CHKA: variants seen among roughly 807,000 people sequenced by gnomAD.
CHKA encodes choline kinase alpha, also known as CHETK-alpha.
In CHKA, 34 loss-of-function variants were observed where a neutral mutation model predicts 60.1. That is an observed-to-expected ratio of 0.57 (90% confidence interval 0.43 to 0.75). CHKA has a LOEUF of 0.75. CHKA is among the 30% of genes least tolerant of loss of function. CHKA has a pLI of 0.00. For synonymous variants in CHKA, 217 were observed against 223.1 expected (o/e 0.97, Z 0.24); for missense variants, 563 against 561.3 (o/e 1.00, Z -0.03).
chr11:68,082,088 CATATATTA>C (rs1240423156), intron 2 of CHKA: 1 of 152,002 alleles, frequency 6.6e-6, no homozygotes. Context: ...AAAATTATTT[CATATATTA>C]ATATATTAAG....
chr11:68,053,754 T>G lies in CHKA; in HGVS notation c.*234A>C. On this transcript the variant is annotated 3_prime_UTR_variant, in exon 12 of 12. Coordinates refer to ENST00000265689, the MANE Select transcript of CHKA (RefSeq NM_001277.3). ...AAAGGATTCAGAGATGTTGCACTAT[T>G]GCACTATATTTCTGCTTCCCGATCT... 1 of 478,864 alleles carries G rather than the reference T, an allele frequency of 2.1e-6. No homozygotes were observed. The highest frequency in any genetic ancestry group is 3.7e-6 in the Non-Finnish European group (1 of 267,194). The allele number at this position is 478,864 out of a possible 1,614,324, so 29.7% of individuals were successfully genotyped here. A position where few individuals can be genotyped will look rare whatever the true frequency, so the allele number is the denominator to read the frequency against.
chr11:68,061,434 C>G (rs1214920600), intron 11 of CHKA: 6 of 221,836 alleles, frequency 2.7e-5, no homozygotes, highest in Non-Finnish European at 1.9e-5. Context: ...AATTAAATGA[C>G]AGCCTAGCTT....
Position 68,059,371 on chromosome 11 carries a change from GA to G in CHKA, c.1314+2581del. Among the ~76,000 whole-genome samples, 4 of 152,260 alleles carry G rather than the reference GA, an allele frequency of 2.6e-5. 1 individual carries two copies. Among genetic ancestry groups the G allele is most frequent in the Middle Eastern group, 6.8e-3 (2 of 294 alleles). On this transcript the variant is annotated intron_variant, in intron 11 of 11. Transcript: ENST00000265689. ...GTTAATATGAAGAATTATATGAACT[GA>G]TTTTTTCAAATATAAACCAGCCTTG...
intron 4 of CHKA, among the ~76,000 whole-genome samples, chr11:68,073,457 C>T (rs1856688009): frequency 6.6e-6 from 1 of 152,104 alleles, no homozygotes; most frequent in African/African-American, 2.4e-5. Flanking sequence ...AGTTCGAGAC[C>T]AGCCTAGCCA....
At chr11:68,098,727 T>C (rs1309304458) in intron 1 of CHKA, among the ~76,000 whole-genome samples, 3 of 152,176 alleles carry the variant, frequency 2.0e-5, no homozygotes, top group Non-Finnish European at 4.4e-5. Flanking sequence ...AGGGTTTTGC[T>C]CTGTCATCCA....
chr11:68,099,608 A>T, intron 1 of CHKA, among the ~76,000 whole-genome samples: 1 of 143,512 alleles, frequency 7.0e-6, no homozygotes, highest in African/African-American at 2.6e-5. Flanking sequence ...GATCAAAGGA[A>T]CCAAAAGCAG....
intron 1 of CHKA, among the ~76,000 whole-genome samples, chr11:68,102,808 G>A (rs1857775401): frequency 6.6e-6 from 1 of 152,110 alleles, no homozygotes; most frequent in Non-Finnish European, 1.5e-5. Flanking sequence ...CAGTTAAGGG[G>A]ATAATATAGA....
Position 68,121,016 on chromosome 11 carries a change from C to G in CHKA, c.162G>C (p.Pro54=). The G allele has an allele frequency of 9.0e-7, 1 of 1,106,402 alleles. No individual in the cohort carries two copies. The highest frequency in any genetic ancestry group is 4.3e-5 in the South Asian group (1 of 23,194). 68.5% of individuals were successfully genotyped at this position (1,106,402 alleles called of 1,614,324 possible). ...GCGGCGGCGGAGGGGGCAGCGCGAG[C>G]GGCGGCTGTTGGCCGCCCAGCTGCT... ...ESKQLGGQQP[P]LALPPPPPLP... The change falls in exon 1 of 12, where the codon CCG becomes CCC. Residue 54 remains proline, a synonymous_variant. Transcript: ENST00000265689.
intron 6 of CHKA, 51 bp from the exon 7 acceptor site, chr11:68,068,988 C>A: frequency 7.0e-7 from 1 of 1,433,848 alleles, no homozygotes; most frequent in Non-Finnish European, 9.8e-7. Context: ...GTCAGCTGCA[C>A]ACAGTCTTGC....
At chr11:68,114,683 C>T (rs1858318150) in intron 1 of CHKA, among the ~76,000 whole-genome samples, 1 of 146,454 alleles carries the variant, frequency 6.8e-6, no homozygotes, top group South Asian at 2.1e-4. Flanking sequence ...GGCGACAGAG[C>T]GAGACTCTGT....
chr11:68,078,447 C>CA (rs35053057), intron 3 of CHKA, among the ~76,000 whole-genome samples: 3 of 151,366 alleles, frequency 2.0e-5, no homozygotes, highest in African/African-American at 7.3e-5. Flanking sequence ...CTGTTGGTGA[C>CA]AAAAAAAAGA....
At chr11:68,090,277 C>A (rs1377990409) in intron 2 of CHKA, among the ~76,000 whole-genome samples, 3 of 152,072 alleles carry the variant, frequency 2.0e-5, no homozygotes, top group Non-Finnish European at 4.4e-5. Context: ...GTTTTGACTG[C>A]CTTAGGAACA....
At chr11:68,091,339 C>T (rs1047404773) in intron 2 of CHKA, among the ~76,000 whole-genome samples, 12 of 152,196 alleles carry the variant, frequency 7.9e-5, no homozygotes, top group Non-Finnish European at 1.0e-4. Context: ...GTAAAACAGA[C>T]GCTAAATTAT....
chr11:68,089,321 G>A (rs959034925), intron 2 of CHKA, among the ~76,000 whole-genome samples: 4 of 152,170 alleles, frequency 2.6e-5, no homozygotes, highest in African/African-American at 9.7e-5. Flanking sequence ...ACTTTTACGG[G>A]AAGTGTGCCT....
chr11:68,061,920 A>G (rs897779982), intron 11 of CHKA, 33 bp downstream of exon 11: 13 of 1,114,006 alleles, frequency 1.2e-5, no homozygotes, highest in Middle Eastern at 2.1e-4. Flanking sequence ...GAGTAGGAAG[A>G]AAAAAAAAAA....
chr11:68,095,918 T>C (rs1374264851), intron 2 of CHKA, among the ~76,000 whole-genome samples: 1 of 148,318 alleles, frequency 6.7e-6, no homozygotes, highest in African/African-American at 2.5e-5. Flanking sequence ...GGCACACCCA[T>C]AATCCCAGCT....
intron 2 of CHKA, among the ~76,000 whole-genome samples, chr11:68,091,554 T>C (rs190132423): frequency 6.6e-6 from 1 of 152,340 alleles, no homozygotes; most frequent in Non-Finnish European, 1.5e-5. Flanking sequence ...GAAGTTTGTT[T>C]CCGTCTCATC....
intron 3 of CHKA, among the ~76,000 whole-genome samples, chr11:68,080,892 G>C (rs1052539355): frequency 6.6e-6 from 1 of 152,244 alleles, no homozygotes; most frequent in Non-Finnish European, 1.5e-5. Context: ...GCACATGTGT[G>C]TTTCAGAGAG....
At chr11:68,100,495 C>T (rs1857667401) in intron 1 of CHKA, among the ~76,000 whole-genome samples, 1 of 151,938 alleles carries the variant, frequency 6.6e-6, no homozygotes, top group Admixed American at 6.6e-5. Context: ...GAGGCTGAGG[C>T]AGGAGAACTA....
Sources: allele counts gnomAD v4.1 joint callset (sites outside exome capture counted in the v4.1 genomes callset), GRCh38; gene constraint gnomAD v4.1.1; transcripts MANE v1.5; gene names NCBI Gene and HGNC (gene_info 2026-07-23, HGNC 2026-07-21).